The following ANKRD24 variants were observed in gnomAD, a reference collection of about 807,000 sequenced individuals.
The protein encoded by ANKRD24 is ankyrin repeat domain 24.
ANKRD24 carries 109 observed loss-of-function variants against 127.8 expected under a neutral mutation model. The observed-to-expected ratio is 0.85, with a 90% CI of 0.73 to 1.00. The LOEUF (loss-of-function observed/expected upper bound fraction) is 1.00, where lower values mean the gene tolerates loss of function less well. ANKRD24 is among the 50% of genes least tolerant of loss of function. The pLI, the probability that ANKRD24 is intolerant of heterozygous loss-of-function variation, is 0.00. For missense variants in ANKRD24, 1,648 were observed against 1,570.2 expected (o/e 1.05, Z -0.84); for synonymous variants, 743 against 671.1 (o/e 1.11, Z -1.66).
At chr19:4,203,440 G>T (rs1263475979) in intron 7 of ANKRD24, among the ~76,000 whole-genome samples, 1 of 151,380 alleles carries the variant, frequency 6.6e-6, no homozygotes. Context: ...TTGACCTCCC[G>T]GGTTCAAACG....
At chr19:4,208,701 C>A in intron 10 of ANKRD24, 63 bp from the exon 11 acceptor site, 1 of 1,533,762 alleles carries the variant, frequency 6.5e-7, no homozygotes, top group Non-Finnish European at 8.9e-7. Flanking sequence ...GTCCCTGGGG[C>A]CCACCAATGC....
In ANKRD24 at chr19:4,214,412, C is replaced by G. The variant is rs140928782; in HGVS notation, c.1198-1566C>G. ...GAACTCCTGGCCTCAAGTAATCCTCCCATCTTACAGGTATAAGCCACCAAG... is the reference window on the plus strand; with the variant it reads ...GAACTCCTGGCCTCAAGTAATCCTCGCATCTTACAGGTATAAGCCACCAAG... On this transcript the variant is annotated intron_variant, in intron 15 of 21. Transcript: ENST00000318934. 5.5e-3 allele frequency among the ~76,000 whole-genome samples: 830 copies of G among 152,130 alleles called. 5 individuals are homozygous for G. The highest frequency in any genetic ancestry group is 0.019 in the African/African-American group (773 of 41,492).
At chr19:4,189,797 CT>C (rs1452763501) in intron 2 of ANKRD24, among the ~76,000 whole-genome samples, 1 of 152,098 alleles carries the variant, frequency 6.6e-6, no homozygotes, top group Non-Finnish European at 1.5e-5. Flanking sequence ...CTTTTATTAT[CT>C]TCATTTTATA....
Position 4,204,476 on chromosome 19 carries a change from G to T in ANKRD24, c.466+1550G>T, listed in dbSNP as rs1467467655. 5.3e-5 allele frequency among the ~76,000 whole-genome samples: 8 copies of T among 152,142 alleles called. 1 individual carries two copies. On this transcript the variant is annotated intron_variant, in intron 7 of 21. Coordinates refer to ENST00000318934, the MANE Select transcript of ANKRD24 (RefSeq NM_001393985.1). Reference sequence around the variant, plus strand: ...ATGTACTCCTGGGCTTTGTGAGGATGAGGAGAGGTCCCTAGGGTTTAATTT... The same window carrying T: ...ATGTACTCCTGGGCTTTGTGAGGATTAGGAGAGGTCCCTAGGGTTTAATTT...
At chr19:4,221,202 G>C (rs1206214560) in intron 19 of ANKRD24, among the ~76,000 whole-genome samples, 3 of 151,812 alleles carry the variant, frequency 2.0e-5, no homozygotes, top group African/African-American at 7.3e-5. Context: ...CTAGCCTCCC[G>C]AGTAGCTGGG....
intron 7 of ANKRD24, among the ~76,000 whole-genome samples, chr19:4,205,586 G>A (rs1026200045): frequency 6.6e-6 from 1 of 152,196 alleles, no homozygotes; most frequent in African/African-American, 2.4e-5. Flanking sequence ...AGTGGTGCAC[G>A]CCTGTAATCC....
rs376406796 is a variant in ANKRD24, at chr19:4,219,581, T to A, written c.3004-10T>A. 2 of 1,598,604 alleles carry A rather than the reference T, an allele frequency of 1.3e-6. No individual in the cohort carries two copies. The highest frequency in any genetic ancestry group is 1.7e-6 in the Non-Finnish European group (2 of 1,168,986). ...GTGTCCTGAGAGTCATGCGTGGGCT[T>A]GGGCCACAGGTGCAGCGTGAGGCCC... is the stretch of plus-strand genomic sequence containing the variant. On this transcript the variant is annotated splice_polypyrimidine_tract_variant and intron_variant, in intron 18 of 21. Transcript: ENST00000318934.
At chr19:4,224,315 GC>G in intron 21 of ANKRD24, 112 bp from the exon 22 acceptor site, 3 of 1,412,320 alleles carry the variant, frequency 2.1e-6, no homozygotes, top group Non-Finnish European at 2.0e-6. Context: ...GCATGTGGGA[GC>G]CCCCCTGTGT....
At chr19:4,202,611 C>T (rs1969155767) in intron 6 of ANKRD24, among the ~76,000 whole-genome samples, 1 of 152,116 alleles carries the variant, frequency 6.6e-6, no homozygotes, top group African/African-American at 2.4e-5. Flanking sequence ...ATTTCCTGAG[C>T]TCTGTTTCTC....
chr19:4,195,449 G>C lies in ANKRD24; in HGVS notation c.37-4234G>C, dbSNP rs1348907530. On this transcript the variant is annotated intron_variant, in intron 2 of 21. Coordinates refer to ENST00000318934, the MANE Select transcript of ANKRD24 (RefSeq NM_001393985.1). The surrounding 1 kb of genome is among the most constrained non-coding windows in gnomAD (Gnocchi z 4.2). ...TGGAAACTGAAGCCCTGAGCTGGGA[G>C]ATCCGTTTCGGTCTCTTCTCTGGAG... 6.6e-6 allele frequency among the ~76,000 whole-genome samples: 1 copy of C among 152,164 alleles called. No individual in the cohort carries two copies. The highest frequency in any genetic ancestry group is 1.9e-4 in the East Asian group (1 of 5,194).
intron 5 of ANKRD24, among the ~76,000 whole-genome samples, chr19:4,200,572 G>A (rs1969044301): frequency 6.6e-6 from 1 of 152,096 alleles, no homozygotes; most frequent in South Asian, 2.1e-4. Context: ...AGGCTTGAGT[G>A]CAGTGGCCAT....
chr19:4,200,462 G>A (rs931431639), intron 5 of ANKRD24, among the ~76,000 whole-genome samples: 2 of 152,096 alleles, frequency 1.3e-5, no homozygotes, highest in African/African-American at 2.4e-5. Context: ...GCTGGCATGG[G>A]GAAGTAGCTG....
Position 4,198,158 on chromosome 19 carries a change from G to C in ANKRD24, c.37-1525G>C. ...CCTGGAGATGCAGCCGGCGGCCTGC[G>C]CTGGTGAGGGAGCCGGGCCCCCGGC... On this transcript the variant is annotated intron_variant, in intron 2 of 21. Transcript: ENST00000318934. The surrounding 1 kb of genome is among the most constrained non-coding windows in gnomAD (Gnocchi z 6.1). 1 of 557,088 alleles carries C rather than the reference G, an allele frequency of 1.8e-6. No homozygotes were observed. Among genetic ancestry groups the C allele is most frequent in the South Asian group, 2.1e-5 (1 of 46,986 alleles). The allele number at this position is 557,088 out of a possible 1,614,324, so 34.5% of individuals were successfully genotyped here.
chr19:4,217,358 A>T lies in ANKRD24; in HGVS notation c.2198A>T (p.Glu733Val). 1 of 1,551,248 alleles carries T rather than the reference A, an allele frequency of 6.4e-7. No individual in the cohort carries two copies. The highest frequency in any genetic ancestry group is 8.7e-7 in the Non-Finnish European group (1 of 1,147,000). The change falls in exon 18 of 22, where the codon GAG becomes GTG. Residue 733 changes from glutamate (E) to valine (V), a missense_variant. Physicochemically the swap from Glu to Val is moderately radical, Grantham distance 121. Coordinates refer to ENST00000318934, the MANE Select transcript of ANKRD24 (RefSeq NM_001393985.1). ...VELETRIRGL[E>V]EALRQREREA... ...CTGGAGACCAGGATCCGTGGCTTGG[A>T]GGAGGCTCTCCGGCAGCGGGAGCGG...
chr19:4,190,448 G>A (rs890738260), intron 2 of ANKRD24, among the ~76,000 whole-genome samples: 11 of 149,884 alleles, frequency 7.3e-5, no homozygotes, highest in African/African-American at 2.2e-4. Flanking sequence ...AATCTGGCTC[G>A]GCATGGTGGC....
intron 1 of ANKRD24, 119 bp downstream of exon 1, chr19:4,182,859 C>T (rs944540342): frequency 9.5e-6 from 5 of 527,176 alleles, no homozygotes; most frequent in Non-Finnish European, 1.2e-5. Flanking sequence ...TCCATGTCCC[C>T]ACAACCCCTT....
At chr19:4,209,555 T>G (rs1969587380) in intron 11 of ANKRD24, among the ~76,000 whole-genome samples, 1 of 152,256 alleles carries the variant, frequency 6.6e-6, no homozygotes, top group African/African-American at 2.4e-5. Context: ...GTTCAAGTGA[T>G]TCTCCTGCCT....
chr19:4,201,118 T>C (rs1969072067), intron 5 of ANKRD24, among the ~76,000 whole-genome samples: 1 of 152,028 alleles, frequency 6.6e-6, no homozygotes, highest in South Asian at 2.1e-4. Context: ...GCTTGAGCTC[T>C]TGGAGTAGCT....
In ANKRD24 at chr19:4,186,592, C is replaced by T. The variant is rs559189774; in HGVS notation, c.36+131C>T. On this transcript the variant is annotated intron_variant, in intron 2 of 21. Coordinates refer to ENST00000318934, the MANE Select transcript of ANKRD24 (RefSeq NM_001393985.1). ...TCCTTTCCTCTCTGCTGCCCCCTAG[C>T]GTCATGACCTCCCCACTGCTCCCCG... 5.6e-5 allele frequency: 58 copies of T among 1,035,186 alleles called. No individual in the cohort carries two copies. In the South Asian group the frequency reaches 6.2e-4, roughly 11 times the overall value. The allele number at this position is 1,035,186 out of a possible 1,614,324, so 64.1% of individuals were successfully genotyped here. A position where few individuals can be genotyped will look rare whatever the true frequency, so the allele number is the denominator to read the frequency against.
Sources: gnomAD v4.1 joint callset for allele counts (sites outside exome capture counted in the v4.1 genomes callset) on GRCh38, gnomAD v4.1.1 for gene constraint, Gnocchi (gnomAD v3.1) non-coding constraint, MANE v1.5 for transcripts, NCBI Gene and HGNC (gene_info 2026-07-23, HGNC 2026-07-21) for gene names.